Variants in TMEM114 observed in about 807,000 individuals in gnomAD.
The protein encoded by TMEM114 is claudin-26.
In TMEM114, 6 loss-of-function variants were observed where a neutral mutation model predicts 6.2. The observed-to-expected ratio is 0.97, with a 90% CI of 0.53 to 1.91. The LOEUF (loss-of-function observed/expected upper bound fraction) is 1.91. TMEM114 is among the 40% of genes most tolerant of loss of function. TMEM114 has a pLI of 0.01. For missense variants in TMEM114, 218 were observed against 158.3 expected (o/e 1.38, Z -2.02); for synonymous variants, 104 against 73.0 (o/e 1.42, Z -2.16).
Position 8,540,366 on chromosome 16 carries a change from A to G in TMEM114, n.213-2540T>C, listed in dbSNP as rs576729609. 2.6e-5 allele frequency among the ~76,000 whole-genome samples: 4 copies of G among 152,292 alleles called. No individual in the cohort carries two copies. The East Asian group carries it at 7.7e-4, about 29-fold the overall frequency. On this transcript the variant is annotated intron_variant and non_coding_transcript_variant, in intron 2 of 2. Transcript: ENST00000623677. ...CCAGCTGATCGCTCGCCTGCTGGGTATCATTATATCAACCTCAGTTTCCTC... is the reference window on the plus strand; with the variant it reads ...CCAGCTGATCGCTCGCCTGCTGGGTGTCATTATATCAACCTCAGTTTCCTC...
At chr16:8,566,131 G>T (rs1365863829), downstream of TMEM114, among the ~76,000 whole-genome samples, 1 of 152,180 alleles carries the variant, frequency 6.6e-6, no homozygotes, top group East Asian at 1.9e-4. Flanking sequence ...AGCACTTTGG[G>T]AGGCCAAGGT....
intron 2 of TMEM114, among the ~76,000 whole-genome samples, chr16:8,540,806 T>C (rs1387961847): frequency 6.6e-6 from 1 of 152,132 alleles, no homozygotes; most frequent in Non-Finnish European, 1.5e-5. Flanking sequence ...CAATGACAAT[T>C]GTTACAGAAG....
chr16:8,575,438 A>G (rs891944147), intron 2 of TMEM114, among the ~76,000 whole-genome samples: 7 of 152,250 alleles, frequency 4.6e-5, no homozygotes, highest in African/African-American at 1.2e-4. Flanking sequence ...TGAGAATCAA[A>G]CAATCATCAA....
At chr16:8,582,829 G>A (rs1172450646) in intron 2 of TMEM114, among the ~76,000 whole-genome samples, 1 of 152,170 alleles carries the variant, frequency 6.6e-6, no homozygotes, top group African/African-American at 2.4e-5. Flanking sequence ...AACCCAGGAG[G>A]TGGAAGCTGC....
intron 2 of TMEM114, among the ~76,000 whole-genome samples, chr16:8,564,133 G>C (rs572662314): frequency 2.0e-5 from 3 of 151,020 alleles, no homozygotes; most frequent in African/African-American, 4.9e-5. Flanking sequence ...GAGTGAGTTA[G>C]TGAATGAGTG....
chr16:8,533,137 A>G (rs967869283), downstream of TMEM114, among the ~76,000 whole-genome samples: 2 of 119,848 alleles, frequency 1.7e-5, no homozygotes, highest in African/African-American at 6.1e-5. Flanking sequence ...ATAACCAACA[A>G]ATAAAGCACA....
At chr16:8,564,285 T>A (rs11866825) in intron 2 of TMEM114, among the ~76,000 whole-genome samples, 7 of 137,382 alleles carry the variant, frequency 5.1e-5, no homozygotes, top group African/African-American at 1.4e-4. Flanking sequence ...GAATGAGTGA[T>A]GAAATAAGTG....
At chr16:8,536,788 A>G (rs1007960514), downstream of TMEM114, among the ~76,000 whole-genome samples, 1 of 152,186 alleles carries the variant, frequency 6.6e-6, no homozygotes, top group African/African-American at 2.4e-5. Context: ...ACCACTGTTC[A>G]TGGTCTAATT....
intron 2 of TMEM114, among the ~76,000 whole-genome samples, chr16:8,538,888 ATT>A (rs777367330): frequency 6.6e-6 from 1 of 152,106 alleles, no homozygotes; most frequent in Non-Finnish European, 1.5e-5. Flanking sequence ...CAGTAGATAA[ATT>A]TGTCTTATAT....
At chr16:8,565,701 C>G (rs1046553896), downstream of TMEM114, among the ~76,000 whole-genome samples, 6 of 152,274 alleles carry the variant, frequency 3.9e-5, no homozygotes, top group South Asian at 4.1e-4. Context: ...CAGGCCGGTC[C>G]GTTCACACAA....
chr16:8,584,531 T>A (rs1902253798), intron 2 of TMEM114, among the ~76,000 whole-genome samples: 1 of 152,182 alleles, frequency 6.6e-6, no homozygotes, highest in African/African-American at 2.4e-5. Context: ...TATTGGGATG[T>A]ACCTGTTTAA....
intron 3 of TMEM114, among the ~76,000 whole-genome samples, chr16:8,571,534 T>C (rs1022288706): frequency 6.6e-6 from 1 of 152,126 alleles, no homozygotes. Flanking sequence ...TCACTGAACT[T>C]CCTTCTTTTC....
chr16:8,582,441 T>C (rs1426015086), intron 2 of TMEM114, among the ~76,000 whole-genome samples: 1 of 152,188 alleles, frequency 6.6e-6, no homozygotes, highest in African/African-American at 2.4e-5. Context: ...AGGTCTCTGG[T>C]TTCCTGTCTG....
intron 2 of TMEM114, among the ~76,000 whole-genome samples, chr16:8,556,101 G>A (rs767382049): frequency 1.3e-5 from 2 of 152,116 alleles, no homozygotes; most frequent in East Asian, 1.9e-4. Flanking sequence ...CTGAGAACCC[G>A]GTCTCTTCTT....
Position 8,569,600 on chromosome 16 carries a change from T to A in TMEM114, c.*173A>T. 7.0e-7 allele frequency: 1 copy of A among 1,432,032 alleles called. No homozygotes were observed. The highest frequency in any genetic ancestry group is 9.1e-7 in the Non-Finnish European group (1 of 1,097,320). 88.7% of individuals were successfully genotyped at this position (1,432,032 alleles called of 1,614,324 possible). ...CACACGGACATAAGCACACAGGTACTAGGATAACAGCCAGGCCCCAAGCTT... is the reference window on the plus strand; with the variant it reads ...CACACGGACATAAGCACACAGGTACAAGGATAACAGCCAGGCCCCAAGCTT... On this transcript the variant is annotated 3_prime_UTR_variant, in exon 4 of 4. Transcript: ENST00000620492.
At chr16:8,542,821 T>G (rs1329543871) in intron 2 of TMEM114, among the ~76,000 whole-genome samples, 1 of 152,116 alleles carries the variant, frequency 6.6e-6, no homozygotes, top group African/African-American at 2.4e-5. Flanking sequence ...TCCCAGCTCT[T>G]CCCCACATCC....
chr16:8,541,998 C>T (rs1242047111), intron 2 of TMEM114, among the ~76,000 whole-genome samples: 2 of 152,160 alleles, frequency 1.3e-5, no homozygotes, highest in Non-Finnish European at 2.9e-5. Flanking sequence ...CACCACCCTG[C>T]GAGGCAGCTT....
chr16:8,569,972 A>G lies in TMEM114; in HGVS notation c.473T>C (p.Ile158Thr), dbSNP rs999517067. ...CCGGAAGGCGGCGGCTGAATACGCT[A>G]TGTAGACGCTGATCCCAGCGAGGGT... Reference protein sequence around the residue: ...MVTLAGISVYIAYSAAAFREA... With the variant: ...MVTLAGISVYTAYSAAAFREA... Residue 158 changes from isoleucine (I) to threonine (T), a missense_variant, in exon 4 of 4, where the codon ATA (isoleucine) becomes ACA (threonine). By Grantham distance (89) the Ile-to-Thr change is moderately conservative. Transcript: ENST00000620492. The G allele has an allele frequency of 1.5e-5, 24 of 1,550,686 alleles. No individual in the cohort carries two copies. The East Asian group carries it at 5.4e-4, about 35-fold the overall frequency.
In TMEM114 at chr16:8,547,301, G is replaced by A. The variant is rs78282476; in HGVS notation, n.213-9475C>T. On this transcript the variant is annotated intron_variant and non_coding_transcript_variant, in intron 2 of 2. Coordinates refer to the TMEM114 transcript ENST00000623677. ...CCAAAGGGGTTAAGCAAGAACTCTA[G>A]ACCAGATTTTGTCTCCGTGGAGGCC... is the stretch of plus-strand genomic sequence containing the variant. Among the ~76,000 whole-genome samples, 7 of 152,202 alleles carry A rather than the reference G, an allele frequency of 4.6e-5. No individual in the cohort carries two copies. In the East Asian group the frequency reaches 7.7e-4, roughly 17 times the overall value.
Sources: allele counts gnomAD v4.1 joint callset (sites outside exome capture counted in the v4.1 genomes callset), GRCh38; gene constraint gnomAD v4.1.1; transcripts MANE v1.5; gene names NCBI Gene and HGNC (gene_info 2026-07-23, HGNC 2026-07-21).